Variants in PPM1K observed in about 807,000 individuals in gnomAD.
PPM1K encodes the protein protein phosphatase Mn(2+)-dependent 1K.
A neutral mutation model predicts 32.6 loss-of-function variants in PPM1K; 19 were observed. That is an observed-to-expected ratio of 0.58 (90% CI 0.41 to 0.86). The LOEUF is 0.86. PPM1K is among the 40% of genes least tolerant of loss of function. The probability of loss-of-function intolerance (pLI) is 0.00; values close to 1 mark genes in which losing one functional copy is unlikely to be tolerated. For missense variants in PPM1K, 362 were observed against 461.2 expected (o/e 0.78, Z 1.97); for synonymous variants, 159 against 165.3 (o/e 0.96, Z 0.29).
In PPM1K at chr4:88,259,303, C is replaced by T. The variant is rs1352772839; in HGVS notation, c.*3292G>A. 1.3e-5 allele frequency: 2 copies of T among 149,802 alleles called. No individual in the cohort carries two copies. Among genetic ancestry groups the T allele is most frequent in the Non-Finnish European group, 3.0e-5 (2 of 67,552 alleles). 9.3% of individuals were successfully genotyped at this position (149,802 alleles called of 1,614,324 possible). A position where few individuals can be genotyped will look rare whatever the true frequency, so the allele number is the denominator to read the frequency against. ...AAAGAAATACAAAATCTGTAACAAACGAACAGCTGATGGAGAACAGGACAG... is the reference window on the plus strand; with the variant it reads ...AAAGAAATACAAAATCTGTAACAAATGAACAGCTGATGGAGAACAGGACAG... On this transcript the variant is annotated 3_prime_UTR_variant, in exon 7 of 7. Transcript: ENST00000608933.
In PPM1K at chr4:88,278,301, C is replaced by T; in HGVS notation, c.283G>A (p.Val95Met). 1 of 1,614,210 alleles carries T rather than the reference C, an allele frequency of 6.2e-7. No individual in the cohort carries two copies. The highest frequency in any genetic ancestry group is 8.5e-7 in the Non-Finnish European group (1 of 1,180,046). The change falls in exon 2 of 7, where the codon GTG becomes ATG. Residue 95 changes from valine to methionine, a missense_variant. By Grantham distance (21) the Val-to-Met change is conservative (BLOSUM62 1). Coordinates refer to ENST00000608933, the MANE Select transcript of PPM1K (RefSeq NM_152542.5). The surrounding 1 kb of genome is among the most constrained non-coding windows in gnomAD (Gnocchi z 4.2). ...KPIPKISLENVGCASQIGKRK... is the reference protein window; with the variant it reads ...KPIPKISLENMGCASQIGKRK... ...TTGCCAATCTGTGAGGCGCACCCCACATTTTCCAAGCTGATTTTGGGAATT... is the reference window on the plus strand; with the variant it reads ...TTGCCAATCTGTGAGGCGCACCCCATATTTTCCAAGCTGATTTTGGGAATT...
At chr4:88,280,490 C>A (rs896583227) in intron 1 of PPM1K, among the ~76,000 whole-genome samples, 1 of 152,136 alleles carries the variant, frequency 6.6e-6, no homozygotes, top group Admixed American at 6.6e-5. Context: ...CATGGCCGGA[C>A]CCGGTGGCTC....
rs953451179 is a variant in PPM1K at position 88,278,117 on chromosome 4, G to C, written c.440+27C>G. The stretch of plus-strand genomic sequence containing the variant: ...AAGTAGGAAGTATAGGAACTGCAAA[G>C]TCAGGAGTGAAAGTCATTGTACATA... On this transcript the variant is annotated intron_variant, in intron 2 of 6. Coordinates refer to ENST00000608933, the MANE Select transcript of PPM1K (RefSeq NM_152542.5). This position sits in a 1 kb window ranked among gnomAD's most constrained non-coding sequence, Gnocchi z 4.2. The C allele has an allele frequency of 1.3e-6, 2 of 1,584,024 alleles. No homozygotes were observed. The highest frequency in any genetic ancestry group is 1.7e-6 in the Non-Finnish European group (2 of 1,158,236).
At chr4:88,281,370 C>T (rs1731998494) in intron 1 of PPM1K, among the ~76,000 whole-genome samples, 1 of 152,076 alleles carries the variant, frequency 6.6e-6, no homozygotes, top group Non-Finnish European at 1.5e-5. Flanking sequence ...ATCCTCCCCC[C>T]AATTTTTTTT....
chr4:88,281,223 T>C (rs1731993022), intron 1 of PPM1K, among the ~76,000 whole-genome samples: 1 of 152,246 alleles, frequency 6.6e-6, no homozygotes, highest in African/African-American at 2.4e-5. Context: ...TCTGAAAGTA[T>C]ATATGCCATA....
chr4:88,258,373 T>TA lies in PPM1K; in HGVS notation c.*4221dup, dbSNP rs1168941257. 1.3e-5 allele frequency: 2 copies of TA among 152,182 alleles called. No individual in the cohort carries two copies. The highest frequency in any genetic ancestry group is 4.8e-5 in the African/African-American group (2 of 41,446). The allele number at this position is 152,182 out of a possible 1,614,324, so 9.4% of individuals were successfully genotyped here. A position where few individuals can be genotyped will look rare whatever the true frequency, so the allele number is the denominator to read the frequency against. On this transcript the variant is annotated 3_prime_UTR_variant, in exon 7 of 7. Coordinates refer to ENST00000608933, the MANE Select transcript of PPM1K (RefSeq NM_152542.5). ...AATTTCCTAGGAGGGCACAGTGCTG[T>TA]AATCCCAGCAATTTGGGAGGCCGAG...
chr4:88,277,151 G>A lies in PPM1K; in HGVS notation c.533C>T (p.Ser178Phe). 1 of 1,612,704 alleles carries A rather than the reference G, an allele frequency of 6.2e-7. No homozygotes were observed. Among genetic ancestry groups the A allele is most frequent in the Non-Finnish European group, 8.5e-7 (1 of 1,178,784 alleles). The change falls in exon 3 of 7, where the codon TCT becomes TTT. Residue 178 changes from serine to phenylalanine, a missense_variant. Ser to Phe is a radical substitution (Grantham distance 155). Transcript: ENST00000608933. ...GTGATAGTTTTACATACCATCAGCA[G>A]ACAGGCGGGCATGACTCGAAAAGGC... ...DKAFSSHARL[S>F]ADATLLTSGT...
At chr4:88,266,886 TGCTG>T (rs2110157041) in intron 5 of PPM1K, among the ~76,000 whole-genome samples, 1 of 140,978 alleles carries the variant, frequency 7.1e-6, no homozygotes, top group Admixed American at 7.2e-5. Flanking sequence ...GTGCAGGTGA[TGCTG>T]GCTGTGTGCA....
rs1349196571 is a variant in PPM1K, at chr4:88,261,476, A to G, written c.*1119T>C. On this transcript the variant is annotated 3_prime_UTR_variant, in exon 7 of 7. Coordinates refer to ENST00000608933, the MANE Select transcript of PPM1K (RefSeq NM_152542.5). ...GAGATAACAAATGAGAACTTCATAC[A>G]AAATACTTGATTCCATCAGTATTTA... 4 of 152,200 alleles carry G rather than the reference A, an allele frequency of 2.6e-5. No individual in the cohort carries two copies. Among genetic ancestry groups the G allele is most frequent in the Non-Finnish European group, 5.9e-5 (4 of 68,026 alleles). 9.4% of individuals were successfully genotyped at this position (152,200 alleles called of 1,614,324 possible).
chr4:88,275,868 C>T (rs1296463863), intron 3 of PPM1K: 1 of 985,254 alleles, frequency 1.0e-6, no homozygotes, highest in Non-Finnish European at 1.2e-6. Flanking sequence ...TTACCTCTTT[C>T]AGCTTCTGTC....
chr4:88,266,595 C>A (rs1157805410), intron 5 of PPM1K, among the ~76,000 whole-genome samples: 1 of 124,010 alleles, frequency 8.1e-6, no homozygotes, highest in African/African-American at 3.2e-5. Flanking sequence ...TGCTGGCTGA[C>A]TGGGTGCAGG....
intron 3 of PPM1K, chr4:88,276,345 T>C (rs1731767066): frequency 1.0e-5 from 10 of 985,332 alleles, no homozygotes; most frequent in Non-Finnish European, 1.1e-5. Flanking sequence ...TCAAATCATT[T>C]ACAAGGTTAC....
In PPM1K at chr4:88,277,169, G is replaced by C. The variant is rs370483637; in HGVS notation, c.515C>G (p.Ser172Trp). 6.2e-7 allele frequency: 1 copy of C among 1,613,700 alleles called. No individual in the cohort carries two copies. The highest frequency in any genetic ancestry group is 1.3e-5 in the African/African-American group (1 of 74,858). Residue 172 changes from serine (S) to tryptophan (W), a missense_variant, in exon 3 of 7, where the codon TCG (serine) becomes TGG (tryptophan). Coordinates refer to ENST00000608933, the MANE Select transcript of PPM1K (RefSeq NM_152542.5). The stretch of plus-strand genomic sequence containing the variant: ...ATCAGCAGACAGGCGGGCATGACTC[G>C]AAAAGGCTTTATCTATTTCTAGAAA... ...LAFLEIDKAF[S>W]SHARLSADAT...
chr4:88,278,420 CTACCAT>C lies in PPM1K; in HGVS notation c.158_163del (p.Asp53_Ser55delinsGly), dbSNP rs778636402. ...ATTGTCCCAGGTAGCTGGACTCCCA[CTACCAT>C]CTGGGTCAAACCGAGAACACCTAGG... is the stretch of plus-strand genomic sequence containing the variant. On this transcript the variant is annotated inframe_deletion, in exon 2 of 7. Transcript: ENST00000608933. This position sits in a 1 kb window ranked among gnomAD's most constrained non-coding sequence, Gnocchi z 4.2. The C allele has an allele frequency of 6.2e-7, 1 of 1,614,228 alleles. No homozygotes were observed. The highest frequency in any genetic ancestry group is 2.2e-5 in the East Asian group (1 of 44,884).
chr4:88,276,112 G>T (rs1731757564), intron 3 of PPM1K: 1 of 985,290 alleles, frequency 1.0e-6, no homozygotes, highest in African/African-American at 1.7e-5. Context: ...CATGAGAGAA[G>T]AGAGATAATG....
intron 1 of PPM1K, among the ~76,000 whole-genome samples, chr4:88,279,925 C>T (rs925459337): frequency 6.6e-6 from 1 of 151,960 alleles, no homozygotes; most frequent in African/African-American, 2.4e-5. Flanking sequence ...TATAAACATA[C>T]ACAAATGAAA....
intron 3 of PPM1K, chr4:88,275,250 G>T: frequency 1.5e-6 from 1 of 683,014 alleles, no homozygotes; most frequent in Non-Finnish European, 1.8e-6. Flanking sequence ...CCTTGCACAA[G>T]GACCATGCTG....
intron 5 of PPM1K, among the ~76,000 whole-genome samples, chr4:88,266,197 G>T (rs916289563): frequency 1.3e-5 from 2 of 152,232 alleles, no homozygotes; most frequent in South Asian, 4.1e-4. Context: ...TACTGTGCTA[G>T]AGACTATAGT....
At chr4:88,281,624 G>A (rs1023960152) in intron 1 of PPM1K, among the ~76,000 whole-genome samples, 2 of 120,156 alleles carry the variant, frequency 1.7e-5, no homozygotes, top group African/African-American at 6.5e-5. Context: ...ATGTGACCCA[G>A]ATATATAGCT....
Sources: gnomAD v4.1 joint callset for allele counts (sites outside exome capture counted in the v4.1 genomes callset) on GRCh38, gnomAD v4.1.1 for gene constraint, Gnocchi (gnomAD v3.1) non-coding constraint, MANE v1.5 for transcripts, NCBI Gene and HGNC (gene_info 2026-07-23, HGNC 2026-07-21) for gene names.